LRBA: variants seen among roughly 807,000 people sequenced by gnomAD.
LRBA encodes the protein LPS responsive beige-like anchor protein.
Under a neutral mutation model 330.0 loss-of-function variants are expected in LRBA, and 176 were observed. The observed-to-expected ratio is 0.53, with a 90% CI of 0.47 to 0.60. LRBA has a LOEUF of 0.60. Ranked by LOEUF, LRBA falls within the 20% of genes least tolerant of loss-of-function variation. The pLI is 0.00. For synonymous variants in LRBA, 1,230 were observed against 1,193.0 expected (o/e 1.03, Z -0.64); for missense variants, 3,259 against 3,444.8 (o/e 0.95, Z 1.35).
At chr4:150,988,203 G>C (rs1741671084) in intron 2 of LRBA, among the ~76,000 whole-genome samples, 1 of 152,120 alleles carries the variant, frequency 6.6e-6, no homozygotes, top group Non-Finnish European at 1.5e-5. Context: ...TATTTGAAGG[G>C]ATAAAGAATC....
At chr4:150,422,928 G>A in intron 46 of LRBA, 1 of 795,356 alleles carries the variant, frequency 1.3e-6, no homozygotes. Context: ...TGCCAGCTCT[G>A]TACAAGACTT....
chr4:150,679,048 T>G (rs1782824672), intron 37 of LRBA, among the ~76,000 whole-genome samples: 1 of 152,192 alleles, frequency 6.6e-6, no homozygotes, highest in Admixed American at 6.5e-5. Flanking sequence ...CATGATATAC[T>G]TCTTTTGGAA....
chr4:150,347,733 G>A (rs1736584954), intron 48 of LRBA, among the ~76,000 whole-genome samples: 1 of 151,744 alleles, frequency 6.6e-6, no homozygotes, highest in Non-Finnish European at 1.5e-5. Context: ...AAATTATAAT[G>A]TGTTAGTTTA....
At chr4:150,356,580 T>A (rs1442206295) in intron 47 of LRBA, among the ~76,000 whole-genome samples, 1 of 151,992 alleles carries the variant, frequency 6.6e-6, no homozygotes, top group Non-Finnish European at 1.5e-5. Flanking sequence ...CACAGAAAAT[T>A]AACATTTTTT....
At chr4:150,520,571 T>C (rs557006185) in intron 40 of LRBA, among the ~76,000 whole-genome samples, 13 of 152,236 alleles carry the variant, frequency 8.5e-5, no homozygotes, top group African/African-American at 3.1e-4. Flanking sequence ...ATAAAGAAAA[T>C]GTGGTACATA....
chr4:150,795,359 C>T (rs1328820743), intron 34 of LRBA, among the ~76,000 whole-genome samples: 2 of 152,154 alleles, frequency 1.3e-5, no homozygotes, highest in African/African-American at 4.8e-5. Context: ...TGAAAAACCA[C>T]CTGAAACACA....
At chr4:150,937,436 G>A (rs1376050942) in intron 2 of LRBA, among the ~76,000 whole-genome samples, 1 of 152,102 alleles carries the variant, frequency 6.6e-6, no homozygotes, top group African/African-American at 2.4e-5. Context: ...GTCACAGTAA[G>A]TTATGAATAT....
chr4:150,466,334 G>A (rs1221096410), intron 44 of LRBA, among the ~76,000 whole-genome samples: 1 of 152,054 alleles, frequency 6.6e-6, no homozygotes, highest in African/African-American at 2.4e-5. Context: ...CACTGGATAT[G>A]TTGAGTGAAC....
At chr4:150,422,502 T>G (rs1400961164) in intron 46 of LRBA, 1 of 328,306 alleles carries the variant, frequency 3.0e-6, no homozygotes, top group Admixed American at 4.1e-5. Flanking sequence ...TCAACATAAC[T>G]CCAGGGAGAT....
intron 53 of LRBA, among the ~76,000 whole-genome samples, chr4:150,295,099 T>G (rs1728805279): frequency 1.3e-5 from 2 of 152,104 alleles, no homozygotes; most frequent in South Asian, 4.2e-4. Flanking sequence ...TCATATAAAT[T>G]CTGATACAAC....
chr4:150,611,688 C>A (rs1328619367), intron 37 of LRBA, among the ~76,000 whole-genome samples: 1 of 152,072 alleles, frequency 6.6e-6, no homozygotes, highest in Non-Finnish European at 1.5e-5. Context: ...GGCTCTATCG[C>A]TTTTCAATGT....
chr4:150,266,636 CAAAG>C (rs1324539319), intron 56 of LRBA, among the ~76,000 whole-genome samples: 5 of 151,922 alleles, frequency 3.3e-5, no homozygotes, highest in East Asian at 1.9e-4. Flanking sequence ...CAACTAAAAA[CAAAG>C]GAAGACAGTA....
intron 37 of LRBA, among the ~76,000 whole-genome samples, chr4:150,606,557 T>C (rs1018135336): frequency 6.6e-6 from 1 of 152,140 alleles, no homozygotes; most frequent in Non-Finnish European, 1.5e-5. Context: ...TAGACTATAT[T>C]ACTTTAGGCT....
chr4:150,637,612 T>A (rs753114169), intron 37 of LRBA, among the ~76,000 whole-genome samples: 1 of 152,170 alleles, frequency 6.6e-6, no homozygotes, highest in Non-Finnish European at 1.5e-5. Context: ...ATGAAGCAAG[T>A]AAGCCACCAT....
intron 31 of LRBA, among the ~76,000 whole-genome samples, chr4:150,810,389 A>G (rs952305431): frequency 6.6e-6 from 1 of 151,482 alleles, no homozygotes; most frequent in Non-Finnish European, 1.5e-5. Flanking sequence ...TTTCCACAAC[A>G]TATTTCCTTT....
At chr4:150,709,788 G>T (rs1785997079) in intron 36 of LRBA, among the ~76,000 whole-genome samples, 1 of 152,098 alleles carries the variant, frequency 6.6e-6, no homozygotes, top group Middle Eastern at 3.4e-3. Flanking sequence ...ATAACAGAAA[G>T]ATCTTAGTTA....
At chr4:150,927,728 A>C (rs990401075) in intron 4 of LRBA, among the ~76,000 whole-genome samples, 1 of 152,226 alleles carries the variant, frequency 6.6e-6, no homozygotes, top group Non-Finnish European at 1.5e-5. Flanking sequence ...GTAAGCTAGA[A>C]CCAGAAATAT....
At chr4:150,360,740 G>T (rs550362905) in intron 47 of LRBA, among the ~76,000 whole-genome samples, 1 of 152,314 alleles carries the variant, frequency 6.6e-6, no homozygotes, top group East Asian at 1.9e-4. Flanking sequence ...AATTCTCAGT[G>T]CCGTGAAGAA....
At chr4:150,673,066 C>A (rs1221951878) in intron 37 of LRBA, among the ~76,000 whole-genome samples, 2 of 152,104 alleles carry the variant, frequency 1.3e-5, no homozygotes. Context: ...GCCAGAAAAC[C>A]AGTTGTATAC....
Sources: allele counts gnomAD v4.1 joint callset (sites outside exome capture counted in the v4.1 genomes callset), GRCh38; gene constraint gnomAD v4.1.1; transcripts MANE v1.5; gene names NCBI Gene and HGNC (gene_info 2026-07-23, HGNC 2026-07-21).